The following THEMIS variants were observed in gnomAD, a reference collection of about 807,000 sequenced individuals.
THEMIS encodes the protein protein THEMIS.
In THEMIS, 37 loss-of-function variants were observed where a neutral mutation model predicts 52.6. That is an observed-to-expected ratio of 0.70 (90% CI 0.54 to 0.93). The LOEUF is 0.93. Ranked by LOEUF, THEMIS falls within the 40% of genes least tolerant of loss-of-function variation. The probability of loss-of-function intolerance (pLI) is 0.00; values close to 1 mark genes in which losing one functional copy is unlikely to be tolerated. For missense variants in THEMIS, 808 were observed against 763.1 expected (o/e 1.06, Z -0.69); for synonymous variants, 292 against 272.7 (o/e 1.07, Z -0.70).
intron 4 of THEMIS, among the ~76,000 whole-genome samples, chr6:127,755,534 A>G (rs1241535013): frequency 2.0e-5 from 3 of 152,092 alleles, no homozygotes; most frequent in Non-Finnish European, 4.4e-5. Context: ...TATCAACTTT[A>G]CTATAAGTTT....
intron 4 of THEMIS, among the ~76,000 whole-genome samples, chr6:127,790,628 G>A (rs561101706): frequency 4.6e-5 from 7 of 152,242 alleles, no homozygotes; most frequent in Non-Finnish European, 5.9e-5. Context: ...CTCTGTGGTC[G>A]GTGGTGCCTT....
chr6:127,906,960 A>G (rs1453718810), intron 1 of THEMIS, among the ~76,000 whole-genome samples: 1 of 151,914 alleles, frequency 6.6e-6, no homozygotes, highest in Non-Finnish European at 1.5e-5. Flanking sequence ...AAACAAAAAA[A>G]AAAATTCACA....
At chr6:127,769,989 A>G (rs1472202966) in intron 4 of THEMIS, among the ~76,000 whole-genome samples, 1 of 152,190 alleles carries the variant, frequency 6.6e-6, no homozygotes, top group Non-Finnish European at 1.5e-5. Context: ...TCCATGGTGT[A>G]TATTTGCCAC....
At position 127,813,159 on chromosome 6, in the gene THEMIS, G is replaced by C. The variant is rs201323571; in HGVS notation, c.1482C>G (p.Asp494Glu). The change falls in exon 4 of 6, where the codon GAC becomes GAG. Residue 494 changes from aspartate to glutamate, a missense_variant. Transcript: ENST00000368248. ...DITDSYLLISDFANPTECWEI... is the reference protein window; with the variant it reads ...DITDSYLLISEFANPTECWEI... The stretch of plus-strand genomic sequence containing the variant: ...CCCAGCACTCCGTGGGGTTGGCAAA[G>C]TCACTTATGAGTAGGTAAGAGTCTG... The C allele has an allele frequency of 3.5e-5, 56 of 1,614,020 alleles. No homozygotes were observed. The highest frequency in any genetic ancestry group is 1.1e-5 in the South Asian group (1 of 91,090).
At chr6:127,869,368 A>G (rs935295645) in intron 1 of THEMIS, among the ~76,000 whole-genome samples, 10 of 152,204 alleles carry the variant, frequency 6.6e-5, no homozygotes, top group Non-Finnish European at 1.3e-4. Context: ...ACTATAGAGT[A>G]TCAGTTGTTT....
rs539843649 is a variant in THEMIS, at chr6:127,710,628, A to T, written c.1895-612T>A. Among the ~76,000 whole-genome samples, 5 of 152,214 alleles carry T rather than the reference A, an allele frequency of 3.3e-5. No individual in the cohort carries two copies. The South Asian group carries it at 1.0e-3, about 32-fold the overall frequency. Reference sequence around the variant, plus strand: ...ACATGTACACATACCTGGCATTGAGACAACATCATGTCAGACTCTCAAATA... The same window carrying T: ...ACATGTACACATACCTGGCATTGAGTCAACATCATGTCAGACTCTCAAATA... On this transcript the variant is annotated intron_variant, in intron 5 of 5. Coordinates refer to ENST00000368248, the MANE Select transcript of THEMIS (RefSeq NM_001010923.3).
Position 127,892,218 on chromosome 6 carries a change from C to T in THEMIS, c.91+8624G>A, listed in dbSNP as rs186595960. Among the ~76,000 whole-genome samples, 9 of 152,314 alleles carry T rather than the reference C, an allele frequency of 5.9e-5. No homozygotes were observed. The East Asian group carries it at 9.7e-4, about 16-fold the overall frequency. On this transcript the variant is annotated intron_variant, in intron 1 of 5. Transcript: ENST00000368248. ...CCTTGCCTTCAGCACCACTGGGCTGCTCCCTGTTTCTTATCCAGACCAAGC... is the reference window on the plus strand; with the variant it reads ...CCTTGCCTTCAGCACCACTGGGCTGTTCCCTGTTTCTTATCCAGACCAAGC...
intron 1 of THEMIS, among the ~76,000 whole-genome samples, chr6:127,915,828 A>T (rs1781513504): frequency 6.6e-6 from 1 of 152,102 alleles, no homozygotes; most frequent in Non-Finnish European, 1.5e-5. Context: ...CTCTACTAAA[A>T]ATACAAAAAT....
chr6:127,740,417 AC>A (rs796286436), intron 4 of THEMIS, among the ~76,000 whole-genome samples: 9 of 140,810 alleles, frequency 6.4e-5, no homozygotes, highest in African/African-American at 2.5e-4. Context: ...GCTAAAAAAA[AC>A]TTTATTGGAT....
chr6:127,757,373 A>C (rs979472640), intron 4 of THEMIS, among the ~76,000 whole-genome samples: 2 of 152,244 alleles, frequency 1.3e-5, no homozygotes, highest in Admixed American at 6.5e-5. Context: ...TTATATGTAA[A>C]AAGAATTTAA....
At chr6:127,730,996 T>A (rs905798222) in intron 4 of THEMIS, among the ~76,000 whole-genome samples, 2 of 152,224 alleles carry the variant, frequency 1.3e-5, no homozygotes, top group Admixed American at 6.5e-5. Flanking sequence ...AACAATGCCA[T>A]AGTCATTCCC....
At chr6:127,855,334 G>A (rs772867457) in intron 1 of THEMIS, 146 bp from the exon 2 acceptor site, 5 of 618,552 alleles carry the variant, frequency 8.1e-6, no homozygotes, top group African/African-American at 3.8e-5. Context: ...TTGGCAAAAT[G>A]TACAGCATAG....
At chr6:127,735,538 A>T (rs1774976291) in intron 4 of THEMIS, among the ~76,000 whole-genome samples, 1 of 152,182 alleles carries the variant, frequency 6.6e-6, no homozygotes, top group Non-Finnish European at 1.5e-5. Flanking sequence ...TTTAGCTTTT[A>T]AATAGAGGAT....
intron 1 of THEMIS, among the ~76,000 whole-genome samples, chr6:127,878,117 T>C (rs1454759334): frequency 3.3e-5 from 5 of 152,188 alleles, no homozygotes; most frequent in Non-Finnish European, 7.4e-5. Flanking sequence ...TAATGGTTTT[T>C]AGTAAGGCTG....
At chr6:127,870,520 C>T (rs992937093) in intron 1 of THEMIS, among the ~76,000 whole-genome samples, 1 of 151,934 alleles carries the variant, frequency 6.6e-6, no homozygotes, top group African/African-American at 2.4e-5. Context: ...ATTAAACGTA[C>T]CTGATTTAAA....
At chr6:127,777,994 C>T (rs891147633) in intron 4 of THEMIS, among the ~76,000 whole-genome samples, 1 of 152,080 alleles carries the variant, frequency 6.6e-6, no homozygotes, top group Non-Finnish European at 1.5e-5. Flanking sequence ...AAGGCTGGAC[C>T]TTGACAAATG....
chr6:127,896,767 T>G (rs1452764715), intron 1 of THEMIS, among the ~76,000 whole-genome samples: 4 of 151,536 alleles, frequency 2.6e-5, no homozygotes, highest in African/African-American at 4.8e-5. Flanking sequence ...TGCCTTACCT[T>G]TTACATAATT....
chr6:127,796,315 T>C (rs1777328587), intron 4 of THEMIS, among the ~76,000 whole-genome samples: 1 of 152,180 alleles, frequency 6.6e-6, no homozygotes, highest in Non-Finnish European at 1.5e-5. Flanking sequence ...TTAGAACTTT[T>C]ACTTCCTGTT....
chr6:127,864,548 A>T, intron 1 of THEMIS, among the ~76,000 whole-genome samples: 1 of 152,084 alleles, frequency 6.6e-6, no homozygotes, highest in East Asian at 1.9e-4. Context: ...GTTGGGCCTG[A>T]TTTGAAGACA....
Sources: allele counts gnomAD v4.1 joint callset (sites outside exome capture counted in the v4.1 genomes callset), GRCh38; gene constraint gnomAD v4.1.1; transcripts MANE v1.5; gene names NCBI Gene and HGNC (gene_info 2026-07-23, HGNC 2026-07-21).